The following GRM5 variants were observed in gnomAD, a reference collection of about 807,000 sequenced individuals.
The protein encoded by GRM5 is metabotropic glutamate receptor 5.
Under a neutral mutation model 83.1 loss-of-function variants are expected in GRM5, and 19 were observed. The observed-to-expected ratio is 0.23, with a 90% confidence interval of 0.16 to 0.34. GRM5 has a LOEUF of 0.34. GRM5 is among the 10% of genes least tolerant of loss of function. The pLI, the probability that GRM5 is intolerant of heterozygous loss-of-function variation, is 1.00. For missense variants in GRM5, 1,160 were observed against 1,588.3 expected (o/e 0.73, Z 4.58); for synonymous variants, 675 against 633.6 (o/e 1.07, Z -0.98).
intron 2 of GRM5, among the ~76,000 whole-genome samples, chr11:88,967,037 G>A (rs1296710046): frequency 2.6e-5 from 4 of 151,810 alleles, no homozygotes; most frequent in Non-Finnish European, 4.4e-5. Context: ...ACACCCTATC[G>A]GGCATAGTAC....
chr11:88,968,451 C>T (rs1331311817), intron 2 of GRM5, among the ~76,000 whole-genome samples: 3 of 152,042 alleles, frequency 2.0e-5, no homozygotes, highest in East Asian at 1.9e-4. Flanking sequence ...GGGAGGCCAA[C>T]TTAGGAGGAT....
intron 2 of GRM5, among the ~76,000 whole-genome samples, chr11:88,893,061 T>C (rs1337412606): frequency 6.6e-6 from 1 of 151,618 alleles, no homozygotes; most frequent in Non-Finnish European, 1.5e-5. Context: ...TAGCACCTTC[T>C]AACTGGAATA....
intron 4 of GRM5, among the ~76,000 whole-genome samples, chr11:88,619,289 A>C (rs1285272042): frequency 6.6e-6 from 1 of 152,236 alleles, no homozygotes; most frequent in African/African-American, 2.4e-5. Context: ...TACAAGCTGA[A>C]GAAAGGAAGC....
intron 3 of GRM5, among the ~76,000 whole-genome samples, chr11:88,665,291 T>C (rs540479784): frequency 6.6e-6 from 1 of 152,154 alleles, no homozygotes; most frequent in East Asian, 1.9e-4. Context: ...AATGTCTATT[T>C]CTGTATTGTT....
intron 8 of GRM5, among the ~76,000 whole-genome samples, chr11:88,561,648 T>C (rs1942757566): frequency 6.6e-6 from 1 of 152,156 alleles, no homozygotes; most frequent in Non-Finnish European, 1.5e-5. Flanking sequence ...TGCTTGACAA[T>C]GATTTGATGC....
At chr11:88,855,587 G>A (rs1234215758) in intron 2 of GRM5, among the ~76,000 whole-genome samples, 1 of 151,842 alleles carries the variant, frequency 6.6e-6, no homozygotes, top group Non-Finnish European at 1.5e-5. Flanking sequence ...ATTTGATGCT[G>A]AAAACTTGGT....
chr11:88,885,136 C>G (rs988273938), intron 2 of GRM5, among the ~76,000 whole-genome samples: 3 of 151,670 alleles, frequency 2.0e-5, no homozygotes, highest in Admixed American at 6.6e-5. Flanking sequence ...TGAGGTACAT[C>G]CCATTCTTGT....
chr11:88,628,037 A>G (rs761267341), intron 4 of GRM5, among the ~76,000 whole-genome samples: 1 of 152,146 alleles, frequency 6.6e-6, no homozygotes, highest in Non-Finnish European at 1.5e-5. Context: ...TCTCAACTCC[A>G]TTATTCAGTT....
chr11:88,804,620 G>A (rs1418192559), intron 3 of GRM5, among the ~76,000 whole-genome samples: 1 of 151,802 alleles, frequency 6.6e-6, no homozygotes, highest in Admixed American at 6.6e-5. Flanking sequence ...ACACCAGCAT[G>A]GCACATGTAT....
Position 88,526,346 on chromosome 11 carries a change from C to T in GRM5, c.2631-942G>A, listed in dbSNP as rs561361110. On this transcript the variant is annotated intron_variant, in intron 8 of 9. Transcript: ENST00000305447. ...AAATAACCTCTTTTACTCATTGGTT[C>T]GATTCTGTAAGGTTTTTAAAAAAGA... is the stretch of plus-strand genomic sequence containing the variant. Among the ~76,000 whole-genome samples the T allele has an allele frequency of 7.2e-5, 11 of 152,138 alleles. No individual in the cohort carries two copies. The East Asian group carries it at 1.5e-3, about 21-fold the overall frequency.
chr11:88,764,984 G>T (rs1942600150), intron 3 of GRM5, among the ~76,000 whole-genome samples: 1 of 151,212 alleles, frequency 6.6e-6, no homozygotes, highest in Non-Finnish European at 1.5e-5. Context: ...AAGGGGAGAA[G>T]ACTCAATTAC....
chr11:88,773,951 A>T (rs1231199265), intron 3 of GRM5, among the ~76,000 whole-genome samples: 1 of 152,142 alleles, frequency 6.6e-6, no homozygotes, highest in Non-Finnish European at 1.5e-5. Flanking sequence ...TTTTGGTTCC[A>T]TATGAACTTT....
At chr11:88,944,513 C>T (rs1232828868) in intron 2 of GRM5, among the ~76,000 whole-genome samples, 1 of 151,760 alleles carries the variant, frequency 6.6e-6, no homozygotes, top group Non-Finnish European at 1.5e-5. Flanking sequence ...GTGTGTATGG[C>T]AAAATTACCT....
intron 2 of GRM5, among the ~76,000 whole-genome samples, chr11:88,978,052 TGTA>T (rs1939397723): frequency 6.6e-6 from 1 of 152,222 alleles, no homozygotes; most frequent in African/African-American, 2.4e-5. Context: ...CATTTTCATT[TGTA>T]GTAGATCAGT....
chr11:88,920,082 G>A (rs1945662386), intron 2 of GRM5, among the ~76,000 whole-genome samples: 1 of 151,540 alleles, frequency 6.6e-6, no homozygotes, highest in South Asian at 2.1e-4. Flanking sequence ...TGAAACAGGG[G>A]AAAATACAAA....
At chr11:89,012,552 T>C (rs1174454233) in intron 2 of GRM5, among the ~76,000 whole-genome samples, 1 of 152,224 alleles carries the variant, frequency 6.6e-6, no homozygotes, top group African/African-American at 2.4e-5. Flanking sequence ...GACTCTACAT[T>C]GAATGCATAC....
At chr11:88,535,602 C>A (rs1349488272) in intron 8 of GRM5, among the ~76,000 whole-genome samples, 1 of 152,190 alleles carries the variant, frequency 6.6e-6, no homozygotes, top group African/African-American at 2.4e-5. Flanking sequence ...ATCATTTAAG[C>A]CACTTTGAGT....
At chr11:88,642,111 T>C (rs374522957) in intron 4 of GRM5, among the ~76,000 whole-genome samples, 1 of 152,248 alleles carries the variant, frequency 6.6e-6, no homozygotes, top group South Asian at 2.1e-4. Context: ...GTAGAGGCTG[T>C]CAGGCATTCT....
chr11:89,028,813 T>C (rs1941191117), intron 2 of GRM5, among the ~76,000 whole-genome samples: 1 of 152,214 alleles, frequency 6.6e-6, no homozygotes, highest in Non-Finnish European at 1.5e-5. Context: ...CTTTAAGTTC[T>C]GGAGTACATG....
Sources: allele counts gnomAD v4.1 joint callset (sites outside exome capture counted in the v4.1 genomes callset), GRCh38; gene constraint gnomAD v4.1.1; transcripts MANE v1.5; gene names NCBI Gene and HGNC (gene_info 2026-07-23, HGNC 2026-07-21).